FHIT: variants seen among roughly 807,000 people sequenced by gnomAD.
FHIT encodes the protein fragile histidine triad diadenosine triphosphatase, also known as bis(5'-adenosyl)-triphosphatase.
FHIT carries 19 observed loss-of-function variants against 17.9 expected under a neutral mutation model. The ratio of observed to expected loss-of-function variants is 1.06; its 90% CI spans 0.74 to 1.56. FHIT has a LOEUF of 1.56. FHIT is among the 40% of genes most tolerant of loss of function. The probability of loss-of-function intolerance (pLI) is 0.00; values close to 1 mark genes in which losing one functional copy is unlikely to be tolerated. For synonymous variants in FHIT, 81 were observed against 69.7 expected, an observed-to-expected ratio of 1.16 and a Z score of -0.81; for missense variants, 248 against 189.2, an observed-to-expected ratio of 1.31 and a Z score of -1.82.
chr3:60,916,078 G>A (rs530948225), intron 3 of FHIT, among the ~76,000 whole-genome samples: 1 of 152,182 alleles, frequency 6.6e-6, no homozygotes, highest in South Asian at 2.1e-4. Context: ...GTTCTGTATA[G>A]ACCCATTTTT....
chr3:60,276,556 T>G (rs2107637735), intron 5 of FHIT, among the ~76,000 whole-genome samples: 1 of 152,306 alleles, frequency 6.6e-6, no homozygotes. Context: ...GCGAACAAGG[T>G]GAATCATAAA....
intron 2 of FHIT, among the ~76,000 whole-genome samples, chr3:61,135,991 T>C (rs2036904058): frequency 6.6e-6 from 1 of 152,140 alleles, no homozygotes; most frequent in Admixed American, 6.5e-5. Context: ...ATTTGGAGGC[T>C]CATGATCATG....
intron 5 of FHIT, among the ~76,000 whole-genome samples, chr3:60,527,386 G>C (rs547400022): frequency 6.6e-6 from 1 of 152,254 alleles, no homozygotes; most frequent in Admixed American, 6.5e-5. Context: ...TAAAGTATTA[G>C]CACGTAAATC....
intron 8 of FHIT, among the ~76,000 whole-genome samples, chr3:59,828,808 GGTT>G (rs1701062664): frequency 6.8e-6 from 1 of 147,602 alleles, no homozygotes; most frequent in African/African-American, 2.5e-5. Flanking sequence ...AAGAAGTAGA[GGTT>G]TTTTGTTTTT....
chr3:60,335,575 C>A (rs958527747), intron 5 of FHIT, among the ~76,000 whole-genome samples: 1 of 152,136 alleles, frequency 6.6e-6, no homozygotes, highest in Non-Finnish European at 1.5e-5. Context: ...GGAGGGTAAC[C>A]AATCACCACA....
At chr3:60,413,912 T>C (rs1011425061) in intron 5 of FHIT, among the ~76,000 whole-genome samples, 3 of 152,190 alleles carry the variant, frequency 2.0e-5, no homozygotes, top group African/African-American at 7.2e-5. Context: ...GATATATTGG[T>C]GAATAAAATA....
In FHIT at chr3:60,791,242, A is replaced by G. The variant is rs180817122; in HGVS notation, c.-18+30677T>C. On this transcript the variant is annotated intron_variant, in intron 4 of 9. Transcript: ENST00000492590. ...ATATTGTTTCTCCACATTGGAGCCC[A>G]GTAAAGAAGGGTTTCTCAGCTAAAG... is the stretch of plus-strand genomic sequence containing the variant. 1.3e-4 allele frequency among the ~76,000 whole-genome samples: 20 copies of G among 152,262 alleles called. No individual in the cohort carries two copies. In the East Asian group the frequency reaches 3.7e-3, roughly 28 times the overall value.
intron 5 of FHIT, among the ~76,000 whole-genome samples, chr3:60,533,661 G>A (rs895711703): frequency 6.6e-6 from 1 of 152,174 alleles, no homozygotes; most frequent in African/African-American, 2.4e-5. Flanking sequence ...GAAATGAAAA[G>A]CATGGGGAGG....
At chr3:60,531,274 C>CCTTTTT (rs2035769032) in intron 5 of FHIT, among the ~76,000 whole-genome samples, 1 of 83,136 alleles carries the variant, frequency 1.2e-5, no homozygotes, top group African/African-American at 4.8e-5. Context: ...GAAAAGAACT[C>CCTTTTT]TTTTTTTTTT....
chr3:61,205,291 T>A (rs1576211289), intron 1 of FHIT, among the ~76,000 whole-genome samples: 2 of 152,240 alleles, frequency 1.3e-5, no homozygotes, highest in African/African-American at 2.4e-5. Flanking sequence ...TACGTGTGCA[T>A]GTGTCTTTAT....
chr3:60,895,127 C>G (rs1464252206), intron 3 of FHIT, among the ~76,000 whole-genome samples: 3 of 152,162 alleles, frequency 2.0e-5, no homozygotes, highest in Non-Finnish European at 4.4e-5. Context: ...ACTTTCTCAG[C>G]CTTCCTTTGC....
intron 4 of FHIT, among the ~76,000 whole-genome samples, chr3:60,780,177 T>C (rs1553725406): frequency 1.3e-5 from 2 of 152,200 alleles, no homozygotes; most frequent in African/African-American, 4.8e-5. Context: ...TCAGTCTGTA[T>C]CCCTTTCAAA....
chr3:60,154,354 G>T (rs1349242586), intron 5 of FHIT, among the ~76,000 whole-genome samples: 1 of 152,162 alleles, frequency 6.6e-6, no homozygotes, highest in African/African-American at 2.4e-5. Flanking sequence ...AACAGGCCAT[G>T]GTAGGGATGG....
At chr3:60,419,235 C>T (rs565639480) in intron 5 of FHIT, among the ~76,000 whole-genome samples, 31 of 152,172 alleles carry the variant, frequency 2.0e-4, no homozygotes, top group East Asian at 3.9e-4. Context: ...CATAAAGTTT[C>T]GTGAGGGTTG....
intron 8 of FHIT, among the ~76,000 whole-genome samples, chr3:59,782,106 C>G (rs1702615053): frequency 6.6e-6 from 1 of 152,146 alleles, no homozygotes; most frequent in South Asian, 2.1e-4. Flanking sequence ...TGTTACATAA[C>G]CTGACTTATC....
chr3:60,213,590 C>T (rs983378565), intron 5 of FHIT, among the ~76,000 whole-genome samples: 1 of 152,142 alleles, frequency 6.6e-6, no homozygotes, highest in African/African-American at 2.4e-5. Flanking sequence ...ACTATCCTTC[C>T]AATAAGACTA....
intron 5 of FHIT, among the ~76,000 whole-genome samples, chr3:60,029,990 T>C (rs896508507): frequency 5.9e-5 from 9 of 151,830 alleles, no homozygotes; most frequent in African/African-American, 1.7e-4. Context: ...TAGTTTTTGT[T>C]ATCAGGCATT....
chr3:59,840,782 C>T (rs750344060), intron 8 of FHIT, among the ~76,000 whole-genome samples: 9 of 152,080 alleles, frequency 5.9e-5, no homozygotes, highest in Non-Finnish European at 7.4e-5. Flanking sequence ...AGGTTTATAT[C>T]CCTGCCTCAG....
At chr3:60,015,894 C>T (rs556707549) in intron 5 of FHIT, among the ~76,000 whole-genome samples, 62 of 152,152 alleles carry the variant, frequency 4.1e-4, no homozygotes, top group Non-Finnish European at 2.6e-4. Context: ...GTCAATTTTG[C>T]TTGTTTGCAT....
Sources: gnomAD v4.1 joint callset for allele counts (sites outside exome capture counted in the v4.1 genomes callset) on GRCh38, gnomAD v4.1.1 for gene constraint, MANE v1.5 for transcripts, NCBI Gene and HGNC (gene_info 2026-07-23, HGNC 2026-07-21) for gene names.